SLC5A11: variants seen among roughly 807,000 people sequenced by gnomAD.
The protein encoded by SLC5A11 is sodium/myo-inositol cotransporter 2.
SLC5A11 carries 48 observed loss-of-function variants against 69.8 expected under a neutral mutation model. The observed-to-expected ratio is 0.69, with a 90% CI of 0.55 to 0.87. The LOEUF (loss-of-function observed/expected upper bound fraction) is 0.87, where lower values mean the gene tolerates loss of function less well. SLC5A11 is among the 40% of genes least tolerant of loss of function. The pLI is 0.00. For synonymous variants in SLC5A11, 319 were observed against 342.4 expected, an observed-to-expected ratio of 0.93 and a Z score of 0.75; for missense variants, 784 against 866.1, an observed-to-expected ratio of 0.91 and a Z score of 1.19.
chr16:24,910,212 C>A, intron 14 of SLC5A11, 94 bp from the exon 16 acceptor site: 1 of 1,308,416 alleles, frequency 7.6e-7, no homozygotes, highest in Non-Finnish European at 1.1e-6. Flanking sequence ...GACACAAAGG[C>A]TGAGTGTGGG....
intron 3 of SLC5A11, among the ~76,000 whole-genome samples, chr16:24,863,033 T>G (rs1404315482): frequency 7.6e-6 from 1 of 131,570 alleles, no homozygotes; most frequent in Non-Finnish European, 1.7e-5. Flanking sequence ...AATATATAAT[T>G]TATATATTTA....
chr16:24,874,568 A>T (rs1258721440), intron 5 of SLC5A11, among the ~76,000 whole-genome samples: 2 of 151,878 alleles, frequency 1.3e-5, no homozygotes, highest in African/African-American at 4.8e-5. Flanking sequence ...TGCTTTTTAA[A>T]ATTTTTTTGA....
chr16:24,849,427 C>T (rs1486339409), intron 1 of SLC5A11, among the ~76,000 whole-genome samples: 1 of 150,954 alleles, frequency 6.6e-6, no homozygotes, highest in Non-Finnish European at 1.5e-5. Context: ...ATTAGCCAGG[C>T]GTGGTGACAC....
At position 24,888,179 on chromosome 16, in the gene SLC5A11, A is replaced by G. The variant is rs527536388; in HGVS notation, c.665-2690A>G. ...ATAAAAGCGTTGTTCAGATTATATT[A>G]TCTTACTCATATACACCCCAAAAAT... On this transcript the variant is annotated intron_variant, in intron 8 of 15. Transcript: ENST00000347898. Among the ~76,000 whole-genome samples, 19 of 152,302 alleles carry G rather than the reference A, an allele frequency of 1.2e-4. No homozygotes were observed. In the South Asian group the frequency reaches 3.7e-3, roughly 30 times the overall value.
chr16:24,851,372 A>G (rs1337854873), intron 1 of SLC5A11, among the ~76,000 whole-genome samples: 1 of 151,892 alleles, frequency 6.6e-6, no homozygotes, highest in African/African-American at 2.4e-5. Context: ...AAAAGAAAAA[A>G]AAAATTAGCC....
At chr16:24,870,214 G>A (rs552585313) in intron 4 of SLC5A11, among the ~76,000 whole-genome samples, 29 of 151,798 alleles carry the variant, frequency 1.9e-4, no homozygotes, top group East Asian at 7.8e-4. Flanking sequence ...CCAACGTGGC[G>A]AAACCCCGTC....
intron 9 of SLC5A11, among the ~76,000 whole-genome samples, chr16:24,895,133 AG>A (rs1199708022): frequency 2.0e-4 from 30 of 151,346 alleles, no homozygotes; most frequent in Admixed American, 9.9e-4. Flanking sequence ...TCAGAAAAAA[AG>A]AAAGAAAGAA....
intron 5 of SLC5A11, among the ~76,000 whole-genome samples, chr16:24,875,093 C>T (rs1399667344): frequency 2.0e-5 from 3 of 152,066 alleles, no homozygotes; most frequent in Admixed American, 6.6e-5. Context: ...CCCACCTTGG[C>T]CTCCTAAAGT....
intron 15 of SLC5A11, 50 bp downstream of exon 16, chr16:24,910,527 G>A: frequency 1.3e-6 from 2 of 1,530,316 alleles, no homozygotes; most frequent in East Asian, 2.3e-5. Flanking sequence ...CGTGTTAAAG[G>A]GATTGATTTT....
intron 4 of SLC5A11, 48 bp from the exon 6 acceptor site, chr16:24,872,112 C>A (rs1365443568): frequency 6.2e-7 from 1 of 1,612,306 alleles, no homozygotes; most frequent in African/African-American, 1.3e-5. Context: ...CAAATGGGTA[C>A]CTTGTTGTGA....
At position 24,906,945 on chromosome 16, in the gene SLC5A11, G is replaced by T. The variant is rs2050111530; in HGVS notation, c.1115-80G>T. On this transcript the variant is annotated intron_variant, in intron 11 of 15. Coordinates refer to ENST00000347898, the Ensembl canonical transcript of SLC5A11. ...GCCCCGCCGTCCTCCCTGAGGTTCT[G>T]CCTCCTCCAGTTGAGCCCACTGGGA... The T allele has an allele frequency of 5.8e-6, 9 of 1,562,342 alleles. No homozygotes were observed. The South Asian group carries it at 1.1e-4, about 19-fold the overall frequency.
Position 24,898,125 on chromosome 16 carries a change from G to A in SLC5A11, c.1006+16G>A. 2 of 1,612,726 alleles carry A rather than the reference G, an allele frequency of 1.2e-6. No homozygotes were observed. Among genetic ancestry groups the A allele is most frequent in the Non-Finnish European group, 1.7e-6 (2 of 1,179,688 alleles). On this transcript the variant is annotated intron_variant, in intron 10 of 15. Transcript: ENST00000347898. ...CTCTTCCCAGGTGAGAACACAGCTGGGGGAAGAGGTCATTGGTATGTGAGT... is the reference window on the plus strand; with the variant it reads ...CTCTTCCCAGGTGAGAACACAGCTGAGGGAAGAGGTCATTGGTATGTGAGT...
At chr16:24,911,476 C>G in exon 16 of SLC5A11, 1 of 1,614,098 alleles carries the variant, frequency 6.2e-7, no homozygotes, top group East Asian at 2.2e-5. Flanking sequence ...CCCTCCTGGA[C>G]GTCAACCTCA....
chr16:24,909,829 T>TAAA (rs3050359), intron 14 of SLC5A11, among the ~76,000 whole-genome samples: 12 of 103,922 alleles, frequency 1.2e-4, no homozygotes, highest in African/African-American at 4.8e-4. Flanking sequence ...AGCCTGTCTT[T>TAAA]AAAAAAAAAA....
intron 8 of SLC5A11, among the ~76,000 whole-genome samples, chr16:24,885,275 C>G (rs1001007156): frequency 7.6e-6 from 1 of 130,922 alleles, no homozygotes; most frequent in African/African-American, 2.5e-5. Flanking sequence ...TAGCCAACTT[C>G]TTATTATTGT....
chr16:24,910,768 A>G (rs1010716725), intron 15 of SLC5A11, among the ~76,000 whole-genome samples: 3 of 152,138 alleles, frequency 2.0e-5, no homozygotes, highest in African/African-American at 4.8e-5. Context: ...GTAGGCAGGA[A>G]CACAACTTGC....
chr16:24,904,846 T>A (rs1277977208), intron 10 of SLC5A11, among the ~76,000 whole-genome samples: 1 of 152,190 alleles, frequency 6.6e-6, no homozygotes, highest in Admixed American at 6.6e-5. Flanking sequence ...TAGGTATACA[T>A]GTGCCATGGT....
At chr16:24,891,507 G>C (rs1259712401) in intron 9 of SLC5A11, among the ~76,000 whole-genome samples, 12 of 151,724 alleles carry the variant, frequency 7.9e-5, no homozygotes, top group Non-Finnish European at 1.6e-4. Flanking sequence ...TTTTTTAGTA[G>C]AGATGCAGGT....
chr16:24,852,769 A>T lies in SLC5A11; in HGVS notation c.-24-5851A>T, dbSNP rs1033123833. On this transcript the variant is annotated intron_variant, in intron 1 of 15. Transcript: ENST00000347898. ...CTTCATGCCAAACACAGAGCTTGGCACACAGTTGTTGCTTAATAAATGTTT... is the reference window on the plus strand; with the variant it reads ...CTTCATGCCAAACACAGAGCTTGGCTCACAGTTGTTGCTTAATAAATGTTT... 2.6e-5 allele frequency among the ~76,000 whole-genome samples: 4 copies of T among 152,380 alleles called. No individual in the cohort carries two copies. In the South Asian group the frequency reaches 8.3e-4, roughly 32 times the overall value.
Sources: gnomAD v4.1 joint callset for allele counts (sites outside exome capture counted in the v4.1 genomes callset) on GRCh38, gnomAD v4.1.1 for gene constraint, MANE v1.5 for transcripts, NCBI Gene and HGNC (gene_info 2026-07-23, HGNC 2026-07-21) for gene names.